BCL11A: variants seen among roughly 807,000 people sequenced by gnomAD.
BCL11A encodes B cell CLL/lymphoma 11A.
In BCL11A, 2 loss-of-function variants were observed where a neutral mutation model predicts 55.9. The observed-to-expected ratio is 0.04, with a 90% CI of 0.01 to 0.11. The LOEUF (loss-of-function observed/expected upper bound fraction) is 0.11. Ranked by LOEUF, BCL11A falls within the 10% of genes least tolerant of loss-of-function variation. BCL11A has a pLI of 1.00. For missense variants in BCL11A, 817 were observed against 1,137.1 expected, an observed-to-expected ratio of 0.72 and a Z score of 4.05; for synonymous variants, 465 against 473.4, an observed-to-expected ratio of 0.98 and a Z score of 0.23.
chr2:60,526,052 GAA>G (rs1263052797), intron 2 of BCL11A: 1 of 152,150 alleles, frequency 6.6e-6, no homozygotes, highest in African/African-American at 2.4e-5. Flanking sequence ...TGGGAAAAAA[GAA>G]TGTGGTTTTT....
At position 60,461,927 on chromosome 2, in the gene BCL11A, G is replaced by A. The variant is rs1676324545; in HGVS notation, c.985C>T (p.Pro329Ser). 6.2e-7 allele frequency: 1 copy of A among 1,614,120 alleles called. No homozygotes were observed. Among genetic ancestry groups the A allele is most frequent in the Non-Finnish European group, 8.5e-7 (1 of 1,180,012 alleles). ...LRELAGNTSS[P>S]PLSPGRPSPM... ...CTGGGCCGGCCTGGGGACAGCGGTG[G>A]GCTAGACGTGTTCCCTGCCAGCTCT... Residue 329 changes from proline to serine, a missense_variant, in exon 4 of 4, where the codon CCA becomes TCA. Transcript: ENST00000642384.
chr2:60,468,721 G>C lies in BCL11A; in HGVS notation c.487+11C>G. 1 of 1,588,144 alleles carries C rather than the reference G, an allele frequency of 6.3e-7. No individual in the cohort carries two copies. Among genetic ancestry groups the C allele is most frequent in the Non-Finnish European group, 8.6e-7 (1 of 1,157,172 alleles). ...CATGGACATTTGTAGAAGAAATAAGGCTCAACTTACAAATACCCTGCGGGG... is the reference window on the plus strand; with the variant it reads ...CATGGACATTTGTAGAAGAAATAAGCCTCAACTTACAAATACCCTGCGGGG... On this transcript the variant is annotated intron_variant, in intron 3 of 3. Coordinates refer to ENST00000642384, the MANE Select transcript of BCL11A (RefSeq NM_022893.4).
At chr2:60,511,821 A>G (rs1377858960) in intron 2 of BCL11A, among the ~76,000 whole-genome samples, 2 of 152,226 alleles carry the variant, frequency 1.3e-5, no homozygotes, top group Non-Finnish European at 2.9e-5. Context: ...CAAGCTTTCA[A>G]CACTCTGTTT....
At chr2:60,451,365 T>C (rs1675716502) in exon 5 of BCL11A, 2 of 228,316 alleles carry the variant, frequency 8.8e-6, no homozygotes, top group Non-Finnish European at 1.7e-5. Context: ...TAATTTGCTA[T>C]GTTGTTTCTA....
intron 2 of BCL11A, among the ~76,000 whole-genome samples, chr2:60,540,246 A>C (rs1177015181): frequency 6.6e-6 from 1 of 152,226 alleles, no homozygotes; most frequent in African/African-American, 2.4e-5. Flanking sequence ...TCATGCTAAA[A>C]AAGTGGCAAG....
chr2:60,503,484 T>C (rs561152081), intron 2 of BCL11A, among the ~76,000 whole-genome samples: 1 of 152,316 alleles, frequency 6.6e-6, no homozygotes, highest in African/African-American at 2.4e-5. Context: ...CTCCACCTAT[T>C]CACAGATGGG....
intron 2 of BCL11A, among the ~76,000 whole-genome samples, chr2:60,509,650 C>T (rs1189141513): frequency 6.6e-6 from 1 of 152,142 alleles, no homozygotes; most frequent in South Asian, 2.1e-4. Flanking sequence ...TAAAGAACAA[C>T]AGAGAAGGAA....
At chr2:60,474,176 C>G (rs1677379812) in intron 2 of BCL11A, among the ~76,000 whole-genome samples, 1 of 152,128 alleles carries the variant, frequency 6.6e-6, no homozygotes, top group Non-Finnish European at 1.5e-5. Context: ...TAGGCTTTTT[C>G]TCAATAAAGG....
At chr2:60,462,561 CCT>C (rs1489439925) in intron 3 of BCL11A, 137 bp from the exon 4 acceptor site, 1 of 1,415,126 alleles carries the variant, frequency 7.1e-7, no homozygotes, top group Non-Finnish European at 9.2e-7. Flanking sequence ...TGACCTACCC[CCT>C]GTGCCTGGCA....
At chr2:60,524,224 G>A (rs1386964845) in intron 2 of BCL11A, among the ~76,000 whole-genome samples, 1 of 152,286 alleles carries the variant, frequency 6.6e-6, no homozygotes, top group East Asian at 1.9e-4. Flanking sequence ...CAATACAACG[G>A]CTGATACATT....
intron 2 of BCL11A, among the ~76,000 whole-genome samples, chr2:60,500,384 T>C (rs1426274933): frequency 6.6e-6 from 1 of 152,120 alleles, no homozygotes; most frequent in Non-Finnish European, 1.5e-5. Context: ...TAACCGTGCC[T>C]CTGTGGGCTG....
chr2:60,515,425 A>G (rs926392872), intron 2 of BCL11A, among the ~76,000 whole-genome samples: 1 of 152,214 alleles, frequency 6.6e-6, no homozygotes, highest in Non-Finnish European at 1.5e-5. Flanking sequence ...CACAAAAAAT[A>G]AAACATGACT....
Position 60,477,624 on chromosome 2 carries a change from G to GAAAGAAAGAAAT in BCL11A, c.386-8792_386-8791insATTTCTTTCTTT, listed in dbSNP as rs1213119389. 5.9e-5 allele frequency among the ~76,000 whole-genome samples: 9 copies of GAAAGAAAGAAAT among 152,136 alleles called. No individual in the cohort carries two copies. In the South Asian group the frequency reaches 1.9e-3, roughly 32 times the overall value. The stretch of plus-strand genomic sequence containing the variant: ...ATAAATAAAGAAAGAAAGAAAGAAA[G>GAAAGAAAGAAAT]AAATAATCAAACATGGTGTTTCCAA... On this transcript the variant is annotated intron_variant, in intron 2 of 3. Coordinates refer to ENST00000642384, the MANE Select transcript of BCL11A (RefSeq NM_022893.4).
intron 3 of BCL11A, among the ~76,000 whole-genome samples, chr2:60,467,159 G>GTAC (rs1257288129): frequency 7.8e-6 from 1 of 128,758 alleles, no homozygotes; most frequent in African/African-American, 3.2e-5. Context: ...GGTGGTGGTG[G>GTAC]TGGTGGTGAT....
At chr2:60,549,411 C>T (rs1436992133) in intron 1 of BCL11A, among the ~76,000 whole-genome samples, 1 of 152,196 alleles carries the variant, frequency 6.6e-6, no homozygotes, top group East Asian at 1.9e-4. Flanking sequence ...GGTAAAGAAG[C>T]AAACGGAGGC....
At chr2:60,552,185 T>C (rs1049392500) in intron 1 of BCL11A, among the ~76,000 whole-genome samples, 1 of 151,912 alleles carries the variant, frequency 6.6e-6, no homozygotes, top group Non-Finnish European at 1.5e-5. Flanking sequence ...CAGAAAAGGG[T>C]TGGCAGAGCG....
At chr2:60,483,748 T>C (rs1191735490) in intron 2 of BCL11A, among the ~76,000 whole-genome samples, 2 of 152,222 alleles carry the variant, frequency 1.3e-5, no homozygotes, top group Non-Finnish European at 2.9e-5. Flanking sequence ...AAAGGAAGAA[T>C]TTGGGGACTG....
At chr2:60,479,651 A>T (rs768802832) in intron 2 of BCL11A, among the ~76,000 whole-genome samples, 9 of 152,188 alleles carry the variant, frequency 5.9e-5, no homozygotes, top group Non-Finnish European at 1.3e-4. Context: ...GGTTTCAAAG[A>T]GGCCGACCAG....
intron 2 of BCL11A, among the ~76,000 whole-genome samples, chr2:60,523,768 C>T (rs572837574): frequency 2.6e-5 from 4 of 151,944 alleles, no homozygotes; most frequent in Admixed American, 1.3e-4. Flanking sequence ...AGAAATCATA[C>T]GAGCACACAG....
Sources: allele counts gnomAD v4.1 joint callset (sites outside exome capture counted in the v4.1 genomes callset), GRCh38; gene constraint gnomAD v4.1.1; transcripts MANE v1.5; gene names NCBI Gene and HGNC (gene_info 2026-07-23, HGNC 2026-07-21).